DGKG: variants seen among roughly 807,000 people sequenced by gnomAD.
DGKG encodes the protein DAG kinase gamma.
DGKG carries 78 observed loss-of-function variants against 105.3 expected under a neutral mutation model. The observed-to-expected ratio is 0.74, with a 90% CI of 0.62 to 0.89. The LOEUF (loss-of-function observed/expected upper bound fraction) is 0.89, where lower values mean the gene tolerates loss of function less well. DGKG is among the 40% of genes least tolerant of loss of function. DGKG has a pLI of 0.00. For synonymous variants in DGKG, 346 were observed against 367.1 expected (o/e 0.94, Z 0.66); for missense variants, 958 against 1,020.1 (o/e 0.94, Z 0.83).
Position 186,160,305 on chromosome 3 carries a change from A to G in DGKG, c.2277+1298T>C, listed in dbSNP as rs1052141466. ...TCCAGTTTTCAGCTAGGACTGAACCAGGTAGGAGAGGGTTTGATTTCTTCC... is the reference window on the plus strand; with the variant it reads ...TCCAGTTTTCAGCTAGGACTGAACCGGGTAGGAGAGGGTTTGATTTCTTCC... On this transcript the variant is annotated intron_variant, in intron 24 of 24. Coordinates refer to ENST00000265022, the MANE Select transcript of DGKG (RefSeq NM_001346.3). The G allele has an allele frequency of 8.1e-6, 8 of 985,286 alleles. No individual in the cohort carries two copies. The African/African-American group carries it at 1.0e-4, about 13-fold the overall frequency. 61.0% of individuals were successfully genotyped at this position (985,286 alleles called of 1,614,324 possible).
At chr3:186,232,154 G>T (rs770456415) in intron 20 of DGKG, among the ~76,000 whole-genome samples, 2 of 152,142 alleles carry the variant, frequency 1.3e-5, no homozygotes, top group African/African-American at 2.4e-5. Context: ...CTTGGGTAAT[G>T]GTATCTTTAA....
At position 186,180,356 on chromosome 3, in the gene DGKG, G is replaced by A. The variant is rs546832612; in HGVS notation, c.2095+7846C>T. Among the ~76,000 whole-genome samples, 26 of 152,218 alleles carry A rather than the reference G, an allele frequency of 1.7e-4. No individual in the cohort carries two copies. The South Asian group carries it at 4.1e-3, about 24-fold the overall frequency. On this transcript the variant is annotated intron_variant, in intron 22 of 24. Transcript: ENST00000265022. ...GATTTCCTGTGAAAAGCAAAACAGC[G>A]TCTCCGTAGGCCTGCAAATGTTGAA...
rs142261584 is a variant in DGKG at position 186,320,426 on chromosome 3, C to A, written c.34G>T (p.Glu12Ter). 9 of 1,614,132 alleles carry A rather than the reference C, an allele frequency of 5.6e-6. No individual in the cohort carries two copies. The highest frequency in any genetic ancestry group is 7.6e-6 in the Non-Finnish European group (9 of 1,180,010). Reference sequence around the variant, plus strand: ...TATTTCTGGAGTTGGTCAAATTCTTCTGGAGTGAGGGAGACCCACCGTTCT... The same window carrying A: ...TATTTCTGGAGTTGGTCAAATTCTTATGGAGTGAGGGAGACCCACCGTTCT... ...GEERWVSLTP[E>*]EFDQLQKYSE... Residue 12 changes from glutamate to a stop codon, truncating the protein, a stop_gained, in exon 2 of 25, where the codon GAA (glutamate) becomes TAA (stop). Coordinates refer to ENST00000265022, the MANE Select transcript of DGKG (RefSeq NM_001346.3). LOFTEE classifies it high-confidence loss of function.
chr3:186,320,196 C>A (rs531975485), intron 2 of DGKG, among the ~76,000 whole-genome samples, 197 bp downstream of exon 2: 2 of 152,076 alleles, frequency 1.3e-5, no homozygotes, highest in Non-Finnish European at 2.9e-5. Context: ...ATGGTGAGCA[C>A]GTAGTATTTA....
Position 186,225,755 on chromosome 3 carries a change from G to A in DGKG, c.1827-13870C>T, listed in dbSNP as rs895081061. On this transcript the variant is annotated intron_variant, in intron 20 of 24. Transcript: ENST00000265022. Reference sequence around the variant, plus strand: ...AACTGCCTGCCTCTGCATGCGTTTGGATTTGTGACCCCTCATATAGACCGC... The same window carrying A: ...AACTGCCTGCCTCTGCATGCGTTTGAATTTGTGACCCCTCATATAGACCGC... Among the ~76,000 whole-genome samples the A allele has an allele frequency of 2.6e-5, 4 of 152,082 alleles. No individual in the cohort carries two copies. The South Asian group carries it at 6.2e-4, about 24-fold the overall frequency.
At chr3:186,280,519 A>G (rs979752065) in intron 8 of DGKG, 151 bp downstream of exon 8, 1 of 548,560 alleles carries the variant, frequency 1.8e-6, no homozygotes, top group Middle Eastern at 5.0e-4. Context: ...TCAGAGAGGT[A>G]GGAGGTAAAG....
rs767360310 is a variant in DGKG at position 186,260,525 on chromosome 3, AAAAG to A, written c.1350-16_1350-13del. 2 of 1,598,542 alleles carry A rather than the reference AAAAG, an allele frequency of 1.3e-6. No homozygotes were observed. The highest frequency in any genetic ancestry group is 1.3e-5 in the African/African-American group (1 of 74,714). On this transcript the variant is annotated splice_polypyrimidine_tract_variant and intron_variant, in intron 15 of 24. Transcript: ENST00000265022. ...ATTTCCGAAGAATTCTATGGAAAAAAAAAGAAAAGGAGGGAGAGAGAGAGACAGA... is the reference window on the plus strand; with the variant it reads ...ATTTCCGAAGAATTCTATGGAAAAAAAAAAGGAGGGAGAGAGAGAGACAGA...
At chr3:186,293,143 T>C (rs1723387737) in intron 5 of DGKG, among the ~76,000 whole-genome samples, 1 of 152,296 alleles carries the variant, frequency 6.6e-6, no homozygotes, top group East Asian at 1.9e-4. Context: ...CTGAAGTCTA[T>C]AATTTGCATT....
At chr3:186,222,860 C>T (rs1056961499) in intron 20 of DGKG, among the ~76,000 whole-genome samples, 1 of 150,830 alleles carries the variant, frequency 6.6e-6, no homozygotes, top group African/African-American at 2.4e-5. Flanking sequence ...TGCATGTATT[C>T]TGAGCTGCTT....
At chr3:186,270,558 C>A (rs968556331) in intron 11 of DGKG, among the ~76,000 whole-genome samples, 1 of 152,234 alleles carries the variant, frequency 6.6e-6, no homozygotes, top group Non-Finnish European at 1.5e-5. Context: ...TTGTGCCTTG[C>A]ACTTCTGAGG....
intron 20 of DGKG, among the ~76,000 whole-genome samples, chr3:186,233,629 A>G (rs4686414): frequency 0.95 from 144,000 of 151,984 alleles, 68,707 homozygotes; most frequent in East Asian, 1. Flanking sequence ...ACAGGCGCCC[A>G]CCACCACGCC....
intron 2 of DGKG, among the ~76,000 whole-genome samples, chr3:186,312,396 C>T (rs1408236547): frequency 1.3e-5 from 2 of 152,088 alleles, no homozygotes; most frequent in Admixed American, 6.6e-5. Context: ...GCCTGAGATT[C>T]TACATTCTGA....
chr3:186,284,677 C>G lies in DGKG; in HGVS notation c.577G>C (p.Gly193Arg), dbSNP rs547430683. ...GAACTTACCGCTTGGTCCAGGAGAC[C>G]GTTCTCATCTGAATCATAGAGGCGA... Reference protein sequence around the residue: ...MFRLYDSDENGLLDQAEMDCI... With the variant: ...MFRLYDSDENRLLDQAEMDCI... The change falls in exon 7 of 25, where the codon GGT becomes CGT. Residue 193 changes from glycine (G) to arginine (R), a missense_variant. Physicochemically the swap from Gly to Arg is moderately radical, Grantham distance 125. Around this residue, in one of 2 missense-constraint regions of DGKG, gnomAD observed 643 missense variants for 619.5 expected, o/e 1.04. Coordinates refer to ENST00000265022, the MANE Select transcript of DGKG (RefSeq NM_001346.3). The surrounding 1 kb of genome is among the most constrained non-coding windows in gnomAD (Gnocchi z 4.0). 1.2e-6 allele frequency: 2 copies of G among 1,613,818 alleles called. No individual in the cohort carries two copies. Among genetic ancestry groups the G allele is most frequent in the Admixed American group, 3.3e-5 (2 of 60,008 alleles).
At chr3:186,239,444 C>A (rs773786595) in intron 20 of DGKG, among the ~76,000 whole-genome samples, 3 of 152,172 alleles carry the variant, frequency 2.0e-5, no homozygotes, top group Non-Finnish European at 4.4e-5. Context: ...TAAGTTTAGC[C>A]GCTGGTGTAA....
intron 1 of DGKG, among the ~76,000 whole-genome samples, chr3:186,343,383 CG>C (rs1406397511): frequency 6.6e-6 from 1 of 152,084 alleles, no homozygotes; most frequent in Non-Finnish European, 1.5e-5. Flanking sequence ...TTCTGCCTCA[CG>C]GGGTGAAGTG....
intron 20 of DGKG, among the ~76,000 whole-genome samples, chr3:186,233,852 T>C (rs78141444): frequency 0.021 from 3,128 of 152,258 alleles, 45 homozygotes; most frequent in Non-Finnish European, 0.031. Flanking sequence ...TCACATAATA[T>C]TATACCTCAG....
chr3:186,242,162 T>C (rs893305333), intron 20 of DGKG, among the ~76,000 whole-genome samples: 2 of 152,158 alleles, frequency 1.3e-5, no homozygotes, highest in Admixed American at 6.5e-5. Flanking sequence ...TTGGAGGCGC[T>C]GTACTTGGAA....
At chr3:186,255,161 C>T (rs1310919112) in intron 17 of DGKG, among the ~76,000 whole-genome samples, 1 of 152,178 alleles carries the variant, frequency 6.6e-6, no homozygotes, top group Non-Finnish European at 1.5e-5. Flanking sequence ...GTATTGTAAC[C>T]TCCCCGAGGG....
intron 2 of DGKG, among the ~76,000 whole-genome samples, chr3:186,312,541 G>A (rs766179672): frequency 6.6e-6 from 1 of 152,184 alleles, no homozygotes; most frequent in Non-Finnish European, 1.5e-5. Flanking sequence ...CCACGATGCC[G>A]AGGACAAAGG....
Sources: allele counts gnomAD v4.1 joint callset (sites outside exome capture counted in the v4.1 genomes callset), GRCh38; gene constraint gnomAD v4.1.1; regional missense constraint gnomAD v4.1.1; non-coding constraint Gnocchi (gnomAD v3.1); transcripts MANE v1.5; gene names NCBI Gene and HGNC (gene_info 2026-07-23, HGNC 2026-07-21).